The following SDK1 variants were observed in gnomAD, a reference collection of about 807,000 sequenced individuals.
SDK1 encodes the protein sidekick cell adhesion molecule 1.
In SDK1, 157 loss-of-function variants were observed where a neutral mutation model predicts 245.5. The ratio of observed to expected loss-of-function variants is 0.64; its 90% CI spans 0.56 to 0.73. The LOEUF is 0.73. SDK1 is among the 30% of genes least tolerant of loss of function. The probability of loss-of-function intolerance (pLI) is 0.00; values close to 1 mark genes in which losing one functional copy is unlikely to be tolerated. For synonymous variants in SDK1, 1,647 were observed against 1,278.5 expected, an observed-to-expected ratio of 1.29 and a Z score of -6.15; for missense variants, 3,583 against 3,002.3, an observed-to-expected ratio of 1.19 and a Z score of -4.52.
intron 38 of SDK1, among the ~76,000 whole-genome samples, chr7:4,216,215 G>A (rs578030345): frequency 6.6e-6 from 1 of 152,336 alleles, no homozygotes; most frequent in African/African-American, 2.4e-5. Flanking sequence ...GCCACACGAT[G>A]GAGTGTGGCC....
intron 1 of SDK1, among the ~76,000 whole-genome samples, chr7:3,429,823 T>G (rs962931639): frequency 3.9e-5 from 6 of 151,920 alleles, no homozygotes; most frequent in Admixed American, 2.0e-4. Flanking sequence ...AGCCCTGGGT[T>G]CAAGCAGTCC....
chr7:3,554,210 A>G (rs946548637), intron 1 of SDK1, among the ~76,000 whole-genome samples: 3 of 152,224 alleles, frequency 2.0e-5, no homozygotes, highest in Non-Finnish European at 4.4e-5. Flanking sequence ...ATCCTGGGCC[A>G]TAGAGCACTT....
At position 4,206,112 on chromosome 7, in the gene SDK1, G is replaced by A. The variant is rs565420067; in HGVS notation, c.5214+118G>A. On this transcript the variant is annotated intron_variant, in intron 36 of 44. Transcript: ENST00000404826. ...GCAGGCGCTCCACCTGGAGAGCTGG[G>A]GCCCAAGCGTCGGAGCTTGGCTAGA... 5.9e-6 allele frequency: 4 copies of A among 680,352 alleles called. No homozygotes were observed. In the South Asian group the frequency reaches 7.7e-5, roughly 13 times the overall value. The allele number at this position is 680,352 out of a possible 1,614,324, so 42.1% of individuals were successfully genotyped here.
chr7:3,511,564 T>G (rs1782578695), intron 1 of SDK1, among the ~76,000 whole-genome samples: 1 of 152,180 alleles, frequency 6.6e-6, no homozygotes, highest in South Asian at 2.1e-4. Flanking sequence ...AATGTTTGTT[T>G]AGCAGTTATT....
At chr7:3,944,132 G>A (rs1562555626) in intron 5 of SDK1, among the ~76,000 whole-genome samples, 1 of 152,208 alleles carries the variant, frequency 6.6e-6, no homozygotes, top group East Asian at 1.9e-4. Flanking sequence ...TTTGTTAGGA[G>A]GAGGCAGCAT....
At chr7:4,053,259 C>G (rs1397568159) in intron 19 of SDK1, among the ~76,000 whole-genome samples, 1 of 152,058 alleles carries the variant, frequency 6.6e-6, no homozygotes, top group Non-Finnish European at 1.5e-5. Context: ...CCCAGCCTCA[C>G]CGCACTCCCA....
intron 1 of SDK1, among the ~76,000 whole-genome samples, chr7:3,576,288 G>A (rs193008894): frequency 1.3e-5 from 2 of 152,238 alleles, no homozygotes; most frequent in Non-Finnish European, 2.9e-5. Context: ...ACGGAGTGCT[G>A]ACAGTGGCCA....
At chr7:3,386,147 T>C (rs928925152) in intron 1 of SDK1, among the ~76,000 whole-genome samples, 1 of 152,164 alleles carries the variant, frequency 6.6e-6, no homozygotes, top group South Asian at 2.1e-4. Context: ...TAAAAAAAAT[T>C]GGATAGCAGA....
intron 28 of SDK1, 109 bp from the exon 29 acceptor site, chr7:4,145,613 G>A (rs1021051134): frequency 1.1e-6 from 1 of 946,340 alleles, no homozygotes; most frequent in South Asian, 1.7e-5. Context: ...TCCAGAGACG[G>A]GGAAGAGACA....
At chr7:3,540,918 C>T (rs775920558) in intron 1 of SDK1, among the ~76,000 whole-genome samples, 6 of 152,172 alleles carry the variant, frequency 3.9e-5, no homozygotes, top group South Asian at 2.1e-4. Flanking sequence ...GGTGGACCTT[C>T]GTCTTGTCTT....
At chr7:3,460,944 A>C (rs910782705) in intron 1 of SDK1, among the ~76,000 whole-genome samples, 1 of 152,216 alleles carries the variant, frequency 6.6e-6, no homozygotes, top group African/African-American at 2.4e-5. Context: ...CGTTTCTTAC[A>C]TTATAAAAAC....
Position 3,570,156 on chromosome 7 carries a change from A to G in SDK1, c.299-48924A>G, listed in dbSNP as rs566429347. Among the ~76,000 whole-genome samples the G allele has an allele frequency of 7.2e-5, 11 of 152,258 alleles. No homozygotes were observed. The East Asian group carries it at 1.9e-3, about 27-fold the overall frequency. On this transcript the variant is annotated intron_variant, in intron 1 of 44. Transcript: ENST00000404826. ...CTGCATGTTTCCTGGCTTTTTAAGT[A>G]TCCCTTGACTCAACCTTTTTGGCAT...
intron 1 of SDK1, among the ~76,000 whole-genome samples, chr7:3,352,872 G>C (rs2128558566): frequency 6.6e-6 from 1 of 152,156 alleles, no homozygotes; most frequent in Non-Finnish European, 1.5e-5. Context: ...TTTCCGAAGA[G>C]TGGGAATCTA....
rs1788516536 is a variant in SDK1 at position 4,267,120 on chromosome 7, AC to A, written c.*1740del. ...AGGAGAGTTTTGTATAGGCTGGAAA[AC>A]CCCTTTTCAGTCTTTCCAAAATTAG... On this transcript the variant is annotated 3_prime_UTR_variant, in exon 45 of 45. Coordinates refer to ENST00000404826, the MANE Select transcript of SDK1 (RefSeq NM_152744.4). 1.0e-6 allele frequency: 1 copy of A among 983,752 alleles called. No homozygotes were observed. Among genetic ancestry groups the A allele is most frequent in the Non-Finnish European group, 1.2e-6 (1 of 829,594 alleles). The allele number at this position is 983,752 out of a possible 1,614,324, so 60.9% of individuals were successfully genotyped here. A position where few individuals can be genotyped will look rare whatever the true frequency, so the allele number is the denominator to read the frequency against.
intron 5 of SDK1, among the ~76,000 whole-genome samples, chr7:3,891,347 C>A (rs80165299): frequency 6.6e-6 from 1 of 152,170 alleles, no homozygotes; most frequent in Non-Finnish European, 1.5e-5. Context: ...CTGTCATCCT[C>A]CATGGCTACC....
chr7:3,585,865 C>G (rs958639766), intron 1 of SDK1, among the ~76,000 whole-genome samples: 3 of 152,018 alleles, frequency 2.0e-5, no homozygotes, highest in African/African-American at 4.8e-5. Context: ...TTCCATTTTC[C>G]AAGAAGGGAG....
chr7:3,866,546 A>G (rs750844515), intron 5 of SDK1, among the ~76,000 whole-genome samples: 9 of 151,854 alleles, frequency 5.9e-5, no homozygotes, highest in Non-Finnish European at 1.3e-4. Flanking sequence ...AGGGGAGGGC[A>G]GGATGAGATG....
chr7:3,697,552 C>A (rs934370168), intron 4 of SDK1, among the ~76,000 whole-genome samples: 1 of 151,994 alleles, frequency 6.6e-6, no homozygotes, highest in Non-Finnish European at 1.5e-5. Context: ...TTTTTTGAGT[C>A]ATTTTTGTCT....
intron 4 of SDK1, among the ~76,000 whole-genome samples, chr7:3,682,911 T>A (rs1784153813): frequency 1.3e-5 from 2 of 152,056 alleles, no homozygotes; most frequent in South Asian, 4.1e-4. Flanking sequence ...TTTTTGTACT[T>A]TTAGTAGAGA....
Sources: allele counts gnomAD v4.1 joint callset (sites outside exome capture counted in the v4.1 genomes callset), GRCh38; gene constraint gnomAD v4.1.1; transcripts MANE v1.5; gene names NCBI Gene and HGNC (gene_info 2026-07-23, HGNC 2026-07-21).